Variants in CTDP1 observed in about 807,000 individuals in gnomAD.
CTDP1 encodes RNA polymerase II subunit A C-terminal domain phosphatase.
A neutral mutation model predicts 91.8 loss-of-function variants in CTDP1; 47 were observed. The ratio of observed to expected loss-of-function variants is 0.51; its 90% CI spans 0.41 to 0.65. The LOEUF (loss-of-function observed/expected upper bound fraction) is 0.65, where lower values mean the gene tolerates loss of function less well. Among genes scored for constraint, CTDP1 ranks in the 30% least tolerant of loss-of-function variants. The probability of loss-of-function intolerance (pLI) is 0.00; values close to 1 mark genes in which losing one functional copy is unlikely to be tolerated. For synonymous variants in CTDP1, 656 were observed against 598.5 expected, an observed-to-expected ratio of 1.10 and a Z score of -1.40; for missense variants, 1,272 against 1,373.7, an observed-to-expected ratio of 0.93 and a Z score of 1.17.
intron 11 of CTDP1, among the ~76,000 whole-genome samples, chr18:79,733,417 C>G (rs1321713341): frequency 6.6e-6 from 1 of 152,196 alleles, no homozygotes; most frequent in African/African-American, 2.4e-5. Flanking sequence ...GGTGCCGGAA[C>G]CAGGGCTGGG....
At chr18:79,700,713 C>G (rs888959138) in intron 4 of CTDP1, among the ~76,000 whole-genome samples, 1 of 152,194 alleles carries the variant, frequency 6.6e-6, no homozygotes, top group Admixed American at 6.5e-5. Flanking sequence ...ACTAAACACG[C>G]TAAACAACAG....
At chr18:79,748,911 G>T (rs200313707) in intron 12 of CTDP1, among the ~76,000 whole-genome samples, 8 of 113,860 alleles carry the variant, frequency 7.0e-5, no homozygotes, top group African/African-American at 3.4e-4. Flanking sequence ...GTCTGTGTGT[G>T]AGCCGTGTCT....
chr18:79,681,621 A>C, intron 1 of CTDP1: 2 of 309,918 alleles, frequency 6.5e-6, no homozygotes, highest in Non-Finnish European at 9.4e-6. Flanking sequence ...CAGCCAGGTC[A>C]TGAGCTTGAT....
intron 1 of CTDP1, among the ~76,000 whole-genome samples, chr18:79,688,270 GT>G (rs1172362115): frequency 6.6e-6 from 1 of 152,180 alleles, no homozygotes; most frequent in Non-Finnish European, 1.5e-5. Context: ...GAAGCTGTTT[GT>G]TTTTTGTTTT....
intron 1 of CTDP1, among the ~76,000 whole-genome samples, chr18:79,682,361 T>C (rs2085391824): frequency 6.6e-6 from 1 of 152,248 alleles, no homozygotes; most frequent in African/African-American, 2.4e-5. Flanking sequence ...GCAGCACCCC[T>C]GTGATGGGAG....
chr18:79,712,662 G>A (rs1375658264), intron 6 of CTDP1, among the ~76,000 whole-genome samples: 1 of 152,210 alleles, frequency 6.6e-6, no homozygotes, highest in Non-Finnish European at 1.5e-5. Context: ...ATTGAAACAT[G>A]GTCACGCCCA....
intron 12 of CTDP1, among the ~76,000 whole-genome samples, chr18:79,738,516 T>C (rs747718997): frequency 6.6e-6 from 1 of 152,224 alleles, no homozygotes; most frequent in Non-Finnish European, 1.5e-5. Context: ...CAGGGGGCAC[T>C]CCAGGTACAC....
At chr18:79,696,131 CAGG>C in intron 3 of CTDP1, 61 bp downstream of exon 3, 2 of 1,464,684 alleles carry the variant, frequency 1.4e-6, no homozygotes, top group Non-Finnish European at 1.9e-6. Flanking sequence ...AGGGCGGCTG[CAGG>C]AGGAGGGTGG....
At position 79,679,999 on chromosome 18, in the gene CTDP1, G is replaced by A; in HGVS notation, c.52G>A (p.Ala18Thr). Residue 18 changes from alanine to threonine, a missense_variant, in exon 1 of 13, where the codon GCT (alanine) becomes ACT (threonine). Ala to Thr is a moderately conservative substitution (Grantham distance 58). Around this residue, in one of 3 missense-constraint regions of CTDP1, gnomAD observed 214 missense variants for 179.1 expected, o/e 1.19. Transcript: ENST00000613122. ...RVPAEGAPTA[A>T]VAEVRCPGPA... ...TCCTGCCGAGGGCGCCCCGACGGCG[G>A]CTGTGGCCGAGGTGCGCTGCCCGGG... 7.5e-7 allele frequency: 1 copy of A among 1,330,332 alleles called. No individual in the cohort carries two copies. Among genetic ancestry groups the A allele is most frequent in the Non-Finnish European group, 9.6e-7 (1 of 1,039,432 alleles). The allele number at this position is 1,330,332 out of a possible 1,614,324, so 82.4% of individuals were successfully genotyped here.
chr18:79,691,351 G>A (rs2085617042), intron 1 of CTDP1, among the ~76,000 whole-genome samples: 1 of 152,228 alleles, frequency 6.6e-6, no homozygotes, highest in Non-Finnish European at 1.5e-5. Flanking sequence ...GCTGGGGAAG[G>A]CAGGTGGCAC....
At chr18:79,706,724 C>T (rs955908677) in intron 5 of CTDP1, among the ~76,000 whole-genome samples, 1 of 152,226 alleles carries the variant, frequency 6.6e-6, no homozygotes, top group African/African-American at 2.4e-5. Context: ...GGACTGGATC[C>T]TCTGGGTGAG....
chr18:79,712,848 G>C (rs558338309), intron 6 of CTDP1, 124 bp from the exon 7 acceptor site: 2 of 1,037,226 alleles, frequency 1.9e-6, no homozygotes, highest in Non-Finnish European at 2.9e-6. Context: ...GTTGGTGTCC[G>C]TCTGATTAAC....
At position 79,750,219 on chromosome 18, in the gene CTDP1, G is replaced by A. The variant is rs532617500; in HGVS notation, c.2748-3433G>A. 3.3e-5 allele frequency among the ~76,000 whole-genome samples: 5 copies of A among 151,702 alleles called. No homozygotes were observed. The East Asian group carries it at 7.8e-4, about 24-fold the overall frequency. ...TTTTAAGACAGGGTCTTGCTCTGTCGCCCAGGCTGGAGTGCAGTGTTGCGG... is the reference window on the plus strand; with the variant it reads ...TTTTAAGACAGGGTCTTGCTCTGTCACCCAGGCTGGAGTGCAGTGTTGCGG... On this transcript the variant is annotated intron_variant, in intron 12 of 12. Transcript: ENST00000613122.
At chr18:79,737,117 C>T (rs1023751023) in intron 12 of CTDP1, among the ~76,000 whole-genome samples, 20 of 152,216 alleles carry the variant, frequency 1.3e-4, no homozygotes, top group Admixed American at 3.9e-4. Context: ...GTTTGCTTTG[C>T]GCTTCCTTCG....
chr18:79,750,723 A>G (rs2086980901), intron 12 of CTDP1, among the ~76,000 whole-genome samples: 2 of 138,172 alleles, frequency 1.4e-5, no homozygotes, highest in South Asian at 4.6e-4. Context: ...CATGTTGGTC[A>G]GGCTGGTCTT....
At chr18:79,705,524 G>A (rs955105055) in intron 5 of CTDP1, among the ~76,000 whole-genome samples, 1 of 151,834 alleles carries the variant, frequency 6.6e-6, no homozygotes. Flanking sequence ...GTGGGACAGC[G>A]ACCGTCTGTT....
Position 79,704,794 on chromosome 18 carries a change from G to C in CTDP1, c.649G>C (p.Gly217Arg). ...CATCTTTCACTTCCAGCTGGGCCGGGGTGAGCCCATGCTGCACACGCGCCT... is the reference window on the plus strand; with the variant it reads ...CATCTTTCACTTCCAGCTGGGCCGGCGTGAGCCCATGCTGCACACGCGCCT... Reference protein sequence around the residue: ...KGIFHFQLGRGEPMLHTRLRP... With the variant: ...KGIFHFQLGRREPMLHTRLRP... The change falls in exon 5 of 13, where the codon GGT (glycine) becomes CGT (arginine). Residue 217 changes from glycine to arginine, a missense_variant. Transcript: ENST00000613122. The C allele has an allele frequency of 6.2e-7, 1 of 1,613,966 alleles. No individual in the cohort carries two copies. The highest frequency in any genetic ancestry group is 8.5e-7 in the Non-Finnish European group (1 of 1,180,056).
chr18:79,705,734 T>A (rs1438779028), intron 5 of CTDP1, among the ~76,000 whole-genome samples: 3 of 152,262 alleles, frequency 2.0e-5, no homozygotes. Context: ...CTGAGCATTT[T>A]AAAATTCAAA....
chr18:79,741,988 A>G (rs1196573577), intron 12 of CTDP1, among the ~76,000 whole-genome samples: 4 of 152,234 alleles, frequency 2.6e-5, no homozygotes, highest in African/African-American at 7.2e-5. Flanking sequence ...AATAGGATGA[A>G]CACAAAGATC....
Sources: allele counts gnomAD v4.1 joint callset (sites outside exome capture counted in the v4.1 genomes callset), GRCh38; gene constraint gnomAD v4.1.1; regional missense constraint gnomAD v4.1.1; transcripts MANE v1.5; gene names NCBI Gene and HGNC (gene_info 2026-07-23, HGNC 2026-07-21).